BTBD16: variants seen among roughly 807,000 people sequenced by gnomAD.
BTBD16 encodes the protein BTB domain containing 16.
BTBD16 carries 66 observed loss-of-function variants against 67.4 expected under a neutral mutation model. The observed-to-expected ratio is 0.98, with a 90% confidence interval of 0.80 to 1.20. BTBD16 has a LOEUF of 1.20. Among genes scored for constraint, BTBD16 ranks in the 50% most tolerant of loss-of-function variants. The pLI is 0.00. For missense variants in BTBD16, 634 were observed against 616.0 expected (o/e 1.03, Z -0.31); for synonymous variants, 242 against 236.4 (o/e 1.02, Z -0.22).
At chr10:122,282,672 A>G (rs1315779799) in intron 3 of BTBD16, among the ~76,000 whole-genome samples, 1 of 152,324 alleles carries the variant, frequency 6.6e-6, no homozygotes, top group Admixed American at 6.5e-5. Flanking sequence ...CTATGTGGTC[A>G]TGGATTCATT....
chr10:122,325,019 G>T (rs1183393839), intron 10 of BTBD16, among the ~76,000 whole-genome samples: 2 of 152,184 alleles, frequency 1.3e-5, no homozygotes, highest in African/African-American at 4.8e-5. Context: ...CATTGAACTT[G>T]GTCTCAGTGA....
chr10:122,332,303 G>A, intron 12 of BTBD16, 133 bp from the exon 13 acceptor site: 1 of 709,768 alleles, frequency 1.4e-6, no homozygotes, highest in Non-Finnish European at 2.4e-6. Flanking sequence ...ATGGCTGAAT[G>A]TAAGTCTAGA....
At chr10:122,290,943 C>T (rs1451228948) in intron 6 of BTBD16, 137 bp from the exon 7 acceptor site, 7 of 1,297,414 alleles carry the variant, frequency 5.4e-6, no homozygotes, top group Non-Finnish European at 6.1e-6. Flanking sequence ...TGGGCGGTGC[C>T]TGCATCCAGG....
intron 10 of BTBD16, among the ~76,000 whole-genome samples, chr10:122,318,103 G>T (rs1205906417): frequency 2.0e-5 from 3 of 152,074 alleles, no homozygotes; most frequent in African/African-American, 7.2e-5. Context: ...TAGACAATAG[G>T]ACTTTTTCAG....
chr10:122,331,108 G>A, intron 11 of BTBD16, 68 bp from the exon 12 acceptor site: 1 of 1,564,008 alleles, frequency 6.4e-7, no homozygotes, highest in Non-Finnish European at 8.6e-7. Flanking sequence ...TTTCCTTTCT[G>A]TAAATGAGAC....
intron 9 of BTBD16, among the ~76,000 whole-genome samples, chr10:122,304,794 C>T (rs2096400618): frequency 6.6e-6 from 1 of 152,060 alleles, no homozygotes; most frequent in Non-Finnish European, 1.5e-5. Flanking sequence ...ACCTCGTGAT[C>T]TGCCCGCCTC....
At chr10:122,336,458 T>C (rs1234947335) in intron 14 of BTBD16, 36 bp from the exon 15 acceptor site, 1 of 1,550,290 alleles carries the variant, frequency 6.5e-7, no homozygotes, top group Non-Finnish European at 8.7e-7. Flanking sequence ...CCACCCCGAT[T>C]GCAGTTCCAC....
intron 7 of BTBD16, 24 bp from the exon 8 acceptor site, chr10:122,297,744 G>A (rs755045732): frequency 1.9e-6 from 3 of 1,613,448 alleles, no homozygotes; most frequent in Non-Finnish European, 2.5e-6. Flanking sequence ...GGTTCCTCCA[G>A]AAACTGCAGT....
At chr10:122,304,504 G>GAGAT (rs914089454) in intron 9 of BTBD16, among the ~76,000 whole-genome samples, 1 of 151,990 alleles carries the variant, frequency 6.6e-6, no homozygotes, top group Non-Finnish European at 1.5e-5. Flanking sequence ...AGGGGGTTGG[G>GAGAT]AGATAGCCAC....
At chr10:122,309,347 TTTTTG>T (rs1373799129) in intron 10 of BTBD16, among the ~76,000 whole-genome samples, 10 of 146,972 alleles carry the variant, frequency 6.8e-5, no homozygotes, top group South Asian at 2.1e-4. Flanking sequence ...TTGGTTTTTG[TTTTTG>T]TTTTTTTTTT....
intron 9 of BTBD16, 108 bp from the exon 10 acceptor site, chr10:122,307,081 C>A: frequency 7.7e-7 from 1 of 1,292,746 alleles, no homozygotes; most frequent in Non-Finnish European, 1.0e-6. Flanking sequence ...CCTTCAGACT[C>A]AAATGTGGTG....
intron 12 of BTBD16, 74 bp from the exon 13 acceptor site, chr10:122,332,362 A>T (rs989623055): frequency 1.4e-6 from 2 of 1,401,148 alleles, no homozygotes; most frequent in Admixed American, 1.8e-5. Flanking sequence ...GTCAAGGAAG[A>T]GGCATGAAGA....
chr10:122,284,219 C>T (rs577953475), intron 4 of BTBD16, among the ~76,000 whole-genome samples: 3 of 152,226 alleles, frequency 2.0e-5, no homozygotes, highest in African/African-American at 7.2e-5. Context: ...AAGGCCCAGG[C>T]GAGTGAATCA....
Position 122,276,852 on chromosome 10 carries a change from A to T in BTBD16, c.80A>T (p.Gln27Leu). ...GSTNRWRLPK[Q>L]PFSGDLLSLS... The stretch of plus-strand genomic sequence containing the variant: ...ACCAACCGGTGGCGTTTGCCCAAAC[A>T]GCCTTTCTCTGGGGACCTGCTCTCA... Residue 27 changes from glutamine (Q) to leucine (L), a missense_variant, in exon 3 of 16, where the codon CAG (glutamine) becomes CTG (leucine). Transcript: ENST00000260723. The T allele has an allele frequency of 6.2e-7, 1 of 1,614,252 alleles. No individual in the cohort carries two copies. The highest frequency in any genetic ancestry group is 8.5e-7 in the Non-Finnish European group (1 of 1,180,036).
chr10:122,271,926 C>T lies in BTBD16; in HGVS notation c.-43+412C>T, dbSNP rs114940781. Among the ~76,000 whole-genome samples, 631 of 152,288 alleles carry T rather than the reference C, an allele frequency of 4.1e-3. 5 individuals carry two copies. Among genetic ancestry groups the T allele is most frequent in the African/African-American group, 0.014 (574 of 41,564 alleles). ...CTGAAGCGGTGCTCTGTGGGCATAG[C>T]GAGTCCCGTGTGGGGTTTATTCTGT... On this transcript the variant is annotated intron_variant, in intron 1 of 15. Transcript: ENST00000260723.
In BTBD16 at chr10:122,297,832, T is replaced by C; in HGVS notation, c.655T>C (p.Cys219Arg). The C allele has an allele frequency of 6.2e-7, 1 of 1,614,038 alleles. No individual in the cohort carries two copies. The highest frequency in any genetic ancestry group is 8.5e-7 in the Non-Finnish European group (1 of 1,179,932). The part of the protein sequence containing the change: ...STIKKFYEAG[C>R]KYKEEQLTTG... ...CATCAAGAAATTCTACGAGGCCGGC[T>C]GCAAGGTGAGAACAACCCAGACGGG... is the stretch of plus-strand genomic sequence containing the variant. The change falls in exon 8 of 16, where the codon TGC (cysteine) becomes CGC (arginine). Residue 219 changes from cysteine (C) to arginine (R), a missense_variant. Coordinates refer to ENST00000260723, the MANE Select transcript of BTBD16 (RefSeq NM_144587.5).
chr10:122,317,439 A>T (rs374609087), intron 10 of BTBD16, among the ~76,000 whole-genome samples: 2 of 152,212 alleles, frequency 1.3e-5, no homozygotes, highest in East Asian at 3.9e-4. Context: ...TGAGGTCAGG[A>T]GATCGAGACC....
At chr10:122,297,735 G>T (rs1407592438) in intron 7 of BTBD16, 33 bp from the exon 8 acceptor site, 3 of 1,612,290 alleles carry the variant, frequency 1.9e-6, no homozygotes, top group Non-Finnish European at 2.5e-6. Context: ...GCAGTGTGGG[G>T]TTCCTCCAGA....
Position 122,289,097 on chromosome 10 carries a change from C to G in BTBD16, c.386-812C>G, listed in dbSNP as rs1263967848. ...GGTGGCAGGGGTCCCCAGAGTGGAG[C>G]TCTCTGGGGCAGAGTGACAATAGCC... On this transcript the variant is annotated intron_variant, in intron 5 of 15. Coordinates refer to ENST00000260723, the MANE Select transcript of BTBD16 (RefSeq NM_144587.5). 3.3e-5 allele frequency among the ~76,000 whole-genome samples: 5 copies of G among 152,242 alleles called. 1 individual carries two copies. The highest frequency in any genetic ancestry group is 4.8e-5 in the African/African-American group (2 of 41,540).
Sources: allele counts gnomAD v4.1 joint callset (sites outside exome capture counted in the v4.1 genomes callset), GRCh38; gene constraint gnomAD v4.1.1; transcripts MANE v1.5; gene names NCBI Gene and HGNC (gene_info 2026-07-23, HGNC 2026-07-21).